The following DNAH11 variants were observed in gnomAD, a reference collection of about 807,000 sequenced individuals.
DNAH11 encodes the protein axonemal beta dynein heavy chain 11.
Under a neutral mutation model 526.0 loss-of-function variants are expected in DNAH11, and 442 were observed. That is an observed-to-expected ratio of 0.84 (90% confidence interval 0.78 to 0.91). The LOEUF (loss-of-function observed/expected upper bound fraction) is 0.91. DNAH11 is among the 40% of genes least tolerant of loss of function. The pLI is 0.00. For missense variants in DNAH11, 6,989 were observed against 5,448.7 expected, an observed-to-expected ratio of 1.28 and a Z score of -8.90; for synonymous variants, 2,461 against 1,935.9, an observed-to-expected ratio of 1.27 and a Z score of -7.12.
intron 65 of DNAH11, among the ~76,000 whole-genome samples, chr7:21,836,120 G>T (rs993416075): frequency 5.3e-5 from 8 of 152,000 alleles, no homozygotes; most frequent in African/African-American, 1.9e-4. Context: ...CAAATGGAAA[G>T]ATATTTCCTG....
chr7:21,782,344 A>G (rs1787982259), intron 57 of DNAH11, among the ~76,000 whole-genome samples: 1 of 152,232 alleles, frequency 6.6e-6, no homozygotes, highest in African/African-American at 2.4e-5. Flanking sequence ...CTTGCTGACC[A>G]CTGCCTAGGA....
intron 45 of DNAH11, among the ~76,000 whole-genome samples, chr7:21,726,667 C>G (rs976342896): frequency 6.6e-6 from 1 of 151,094 alleles, no homozygotes; most frequent in East Asian, 2.0e-4. Context: ...CGAGGCCATC[C>G]TGGCTAACAC....
At chr7:21,635,570 A>G (rs550088424) in intron 25 of DNAH11, among the ~76,000 whole-genome samples, 4 of 152,310 alleles carry the variant, frequency 2.6e-5, no homozygotes, top group African/African-American at 9.6e-5. Context: ...TGAACCCCCA[A>G]TACACAGTAT....
chr7:21,832,795 T>C (rs576399830), intron 65 of DNAH11, among the ~76,000 whole-genome samples: 2 of 152,238 alleles, frequency 1.3e-5, no homozygotes, highest in South Asian at 2.1e-4. Flanking sequence ...TTTTAAAGGA[T>C]TGGAAACAAG....
chr7:21,630,812 C>T (rs62447793), intron 25 of DNAH11, among the ~76,000 whole-genome samples: 1,667 of 152,222 alleles, frequency 0.011, 26 homozygotes, highest in Non-Finnish European at 0.019. Context: ...TTATTTGGGT[C>T]AGTTCTATTT....
intron 30 of DNAH11, among the ~76,000 whole-genome samples, chr7:21,659,494 A>G (rs1782155815): frequency 6.6e-6 from 1 of 152,072 alleles, no homozygotes; most frequent in African/African-American, 2.4e-5. Context: ...TATTGATCCC[A>G]GTTATCCTGT....
rs72655967 is a variant in DNAH11 at position 21,543,303 on chromosome 7, C to T, written c.58C>T (p.Arg20Cys). The change falls in exon 1 of 82, where the codon CGC (arginine) becomes TGC (cysteine). Residue 20 changes from arginine to cysteine, a missense_variant. Coordinates refer to ENST00000409508, the MANE Select transcript of DNAH11 (RefSeq NM_001277115.2). ...ARDFREAPTL[R>C]LTSGAGLEAV... is the part of the protein sequence containing the mutation. ...AGACTTCAGAGAAGCCCCGACCCTTCGCCTAACCTCGGGGGCCGGCCTGGA... is the reference window on the plus strand; with the variant it reads ...AGACTTCAGAGAAGCCCCGACCCTTTGCCTAACCTCGGGGGCCGGCCTGGA... The T allele has an allele frequency of 1.6e-5, 25 of 1,549,136 alleles. No homozygotes were observed. In the South Asian group the frequency reaches 2.6e-4, roughly 16 times the overall value.
chr7:21,654,765 T>C (rs1781938100), intron 28 of DNAH11, among the ~76,000 whole-genome samples: 4 of 152,196 alleles, frequency 2.6e-5, no homozygotes, highest in Admixed American at 2.6e-4. Flanking sequence ...TTACTCAGTC[T>C]ACCTCAAGAG....
chr7:21,634,531 T>A (rs1480749941), intron 25 of DNAH11, among the ~76,000 whole-genome samples: 3 of 152,202 alleles, frequency 2.0e-5, no homozygotes, highest in African/African-American at 7.2e-5. Context: ...AGTGACTTTC[T>A]GAGATTTCAG....
chr7:21,587,146 G>A (rs1355943266), intron 9 of DNAH11, among the ~76,000 whole-genome samples: 1 of 152,216 alleles, frequency 6.6e-6, no homozygotes, highest in Non-Finnish European at 1.5e-5. Flanking sequence ...TTTTATGCTA[G>A]CACACAGAAG....
intron 18 of DNAH11, among the ~76,000 whole-genome samples, chr7:21,602,921 A>G (rs917931628): frequency 6.6e-6 from 1 of 152,242 alleles, no homozygotes; most frequent in South Asian, 2.1e-4. Flanking sequence ...AAAAGTAACC[A>G]TTTAAAAATG....
intron 43 of DNAH11, among the ~76,000 whole-genome samples, chr7:21,720,129 G>C (rs1784818733): frequency 6.6e-6 from 1 of 152,190 alleles, no homozygotes; most frequent in African/African-American, 2.4e-5. Context: ...ATTTAGTTCG[G>C]TGTCCAAAAA....
intron 44 of DNAH11, among the ~76,000 whole-genome samples, chr7:21,721,874 C>A (rs1784890347): frequency 6.6e-6 from 1 of 152,168 alleles, no homozygotes; most frequent in Non-Finnish European, 1.5e-5. Flanking sequence ...CACACTATTC[C>A]CAGGATAGTC....
intron 63 of DNAH11, among the ~76,000 whole-genome samples, chr7:21,813,240 G>A (rs554134358): frequency 1.3e-5 from 2 of 152,276 alleles, no homozygotes; most frequent in South Asian, 2.1e-4. Context: ...GTTCAAGGCA[G>A]CCTTTGCACT....
intron 63 of DNAH11, among the ~76,000 whole-genome samples, chr7:21,815,767 T>C (rs868570531): frequency 1.3e-5 from 2 of 152,170 alleles, no homozygotes; most frequent in African/African-American, 4.8e-5. Context: ...TAATACAATT[T>C]TTGCCACAAC....
chr7:21,598,929 T>C (rs559273955), intron 14 of DNAH11, among the ~76,000 whole-genome samples: 1 of 152,368 alleles, frequency 6.6e-6, no homozygotes, highest in African/African-American at 2.4e-5. Context: ...CGTTGTTTTT[T>C]ATGGCTGCAT....
intron 68 of DNAH11, among the ~76,000 whole-genome samples, chr7:21,856,012 GTGTT>G (rs1281795971): frequency 2.0e-5 from 3 of 152,180 alleles, no homozygotes; most frequent in Non-Finnish European, 2.9e-5. Flanking sequence ...TATGTAAAGA[GTGTT>G]TGGAGAAAAC....
chr7:21,858,147 A>G (rs1018326485), intron 68 of DNAH11, among the ~76,000 whole-genome samples: 7 of 152,230 alleles, frequency 4.6e-5, no homozygotes, highest in Non-Finnish European at 8.8e-5. Context: ...CTCATCAGGC[A>G]TCAGAAAAAT....
rs980059637 is a variant in DNAH11, at chr7:21,634,224, G to T, written c.4501-1647G>T. ...CACCAGACCACAGCTCAACACAGAG[G>T]TTCAGCCAAGAGCTGGTAGCTGGGA... is the stretch of plus-strand genomic sequence containing the variant. On this transcript the variant is annotated intron_variant, in intron 25 of 81. Coordinates refer to ENST00000409508, the MANE Select transcript of DNAH11 (RefSeq NM_001277115.2). Among the ~76,000 whole-genome samples the T allele has an allele frequency of 3.3e-5, 5 of 152,292 alleles. No individual in the cohort carries two copies. The East Asian group carries it at 9.6e-4, about 29-fold the overall frequency.
Sources: gnomAD v4.1 joint callset for allele counts (sites outside exome capture counted in the v4.1 genomes callset) on GRCh38, gnomAD v4.1.1 for gene constraint, MANE v1.5 for transcripts, NCBI Gene and HGNC (gene_info 2026-07-23, HGNC 2026-07-21) for gene names.